Variants in MITF observed in about 807,000 individuals in gnomAD.
The protein encoded by MITF is melanocyte inducing transcription factor.
Under a neutral mutation model 60.5 loss-of-function variants are expected in MITF, and 17 were observed. The ratio of observed to expected loss-of-function variants is 0.28; its 90% CI spans 0.19 to 0.42. The LOEUF (loss-of-function observed/expected upper bound fraction) is 0.42, where lower values mean the gene tolerates loss of function less well. MITF is among the 10% of genes least tolerant of loss of function. MITF has a pLI of 1.00. For synonymous variants in MITF, 260 were observed against 248.5 expected, an observed-to-expected ratio of 1.05 and a Z score of -0.43; for missense variants, 622 against 683.5, an observed-to-expected ratio of 0.91 and a Z score of 1.00.
intron 1 of MITF, among the ~76,000 whole-genome samples, chr3:69,765,089 G>A (rs1341951790): frequency 3.3e-5 from 5 of 152,148 alleles, no homozygotes; most frequent in African/African-American, 1.2e-4. Flanking sequence ...TGATTGAACT[G>A]CAGTCCCGTG....
At chr3:69,818,788 GAGAGGATTTATGGTCAA>G (rs1201858709) in intron 1 of MITF, among the ~76,000 whole-genome samples, 45 of 152,134 alleles carry the variant, frequency 3.0e-4, no homozygotes, top group Admixed American at 2.9e-3. Context: ...ATAAAATATT[GAGAGGATTTATGGTCAA>G]AGATATATTT....
intron 1 of MITF, among the ~76,000 whole-genome samples, chr3:69,839,458 C>T (rs1296203179): frequency 1.4e-5 from 2 of 147,732 alleles, no homozygotes; most frequent in Non-Finnish European, 1.5e-5. Context: ...TTTTTTCTTC[C>T]GGTGCCTAGC....
intron 1 of MITF, among the ~76,000 whole-genome samples, chr3:69,840,027 C>T (rs1684477419): frequency 6.6e-6 from 1 of 152,104 alleles, no homozygotes; most frequent in African/African-American, 2.4e-5. Flanking sequence ...CCCATTTCAG[C>T]TGATCAGTAA....
intron 2 of MITF, among the ~76,000 whole-genome samples, chr3:69,909,054 T>G (rs1341296338): frequency 1.3e-5 from 2 of 152,174 alleles, no homozygotes; most frequent in African/African-American, 2.4e-5. Flanking sequence ...GGCTTGGCTG[T>G]GTCCCCAACC....
Position 69,868,346 on chromosome 3 carries a change from A to G in MITF, c.105-10788A>G, listed in dbSNP as rs1344377371. 6.6e-5 allele frequency among the ~76,000 whole-genome samples: 10 copies of G among 152,328 alleles called. 2 individuals carry two copies. The highest frequency in any genetic ancestry group is 6.5e-4 in the Admixed American group (10 of 15,304). On this transcript the variant is annotated intron_variant, in intron 1 of 9. Transcript: ENST00000352241. ...CCAAGTGATACAGCTAAGAAATGACAGGGCTAGGAATTTGACCCAGGGATC... is the reference window on the plus strand; with the variant it reads ...CCAAGTGATACAGCTAAGAAATGACGGGGCTAGGAATTTGACCCAGGGATC...
intron 2 of MITF, among the ~76,000 whole-genome samples, chr3:69,913,511 T>C (rs1354836883): frequency 1.3e-5 from 2 of 152,186 alleles, no homozygotes; most frequent in African/African-American, 4.8e-5. Flanking sequence ...CAAAGAAACC[T>C]GAGGTAATGG....
At chr3:69,854,811 A>G (rs180741835) in intron 1 of MITF, among the ~76,000 whole-genome samples, 6 of 152,306 alleles carry the variant, frequency 3.9e-5, no homozygotes, top group Admixed American at 3.9e-4. Context: ...CAAAAACCAA[A>G]AATGTCTCTA....
At chr3:69,860,742 T>C (rs116082010) in intron 1 of MITF, among the ~76,000 whole-genome samples, 372 of 152,366 alleles carry the variant, frequency 2.4e-3, no homozygotes, top group Non-Finnish European at 4.3e-3. Flanking sequence ...TGTATAAATA[T>C]CTTAACCATT....
chr3:69,751,737 T>G (rs1432318313), intron 1 of MITF, among the ~76,000 whole-genome samples: 1 of 152,124 alleles, frequency 6.6e-6, no homozygotes, highest in Non-Finnish European at 1.5e-5. Flanking sequence ...GGGCAAGTTA[T>G]TCTTGTGGCC....
At chr3:69,792,027 G>A (rs936962618) in intron 1 of MITF, among the ~76,000 whole-genome samples, 10 of 152,174 alleles carry the variant, frequency 6.6e-5, no homozygotes, top group Admixed American at 4.6e-4. Context: ...AAGTAGAGAC[G>A]GATGTGCTGA....
In MITF at chr3:69,805,290, T is replaced by G. The variant is rs558997907; in HGVS notation, c.104+65589T>G. Among the ~76,000 whole-genome samples, 134 of 152,318 alleles carry G rather than the reference T, an allele frequency of 8.8e-4. 1 individual carries two copies. The highest frequency in any genetic ancestry group is 1.2e-3 in the Non-Finnish European group (81 of 68,026). On this transcript the variant is annotated intron_variant, in intron 1 of 9. Coordinates refer to ENST00000352241, the MANE Select transcript of MITF (RefSeq NM_001354604.2). ...AAATAACTAATATTTTGATGACCAT[T>G]TATAATTTTATCTAAAATTTTAATG...
chr3:69,814,059 A>G (rs2063142563), intron 1 of MITF, among the ~76,000 whole-genome samples: 2 of 151,920 alleles, frequency 1.3e-5, no homozygotes, highest in East Asian at 1.9e-4. Context: ...ATTATATGCT[A>G]TTGGTCAGGT....
At chr3:69,827,718 C>T (rs1268252052) in intron 1 of MITF, among the ~76,000 whole-genome samples, 3 of 152,038 alleles carry the variant, frequency 2.0e-5, no homozygotes, top group African/African-American at 4.8e-5. Context: ...AATATAATTC[C>T]CAATTTATTT....
chr3:69,796,673 A>C (rs1481675259), intron 1 of MITF, among the ~76,000 whole-genome samples: 1 of 149,914 alleles, frequency 6.7e-6, no homozygotes, highest in Non-Finnish European at 1.5e-5. Flanking sequence ...CGCCCGGCTA[A>C]TTTTTTGTAT....
At chr3:69,839,632 G>A (rs1028735740) in intron 1 of MITF, among the ~76,000 whole-genome samples, 1 of 151,966 alleles carries the variant, frequency 6.6e-6, no homozygotes, top group Non-Finnish European at 1.5e-5. Context: ...ACCGTGAGGG[G>A]CTGGGGCATG....
Position 69,815,497 on chromosome 3 carries a change from C to A in MITF, c.105-63637C>A, listed in dbSNP as rs199756626. 9.9e-5 allele frequency among the ~76,000 whole-genome samples: 15 copies of A among 152,130 alleles called. No homozygotes were observed. The East Asian group carries it at 2.3e-3, about 23-fold the overall frequency. On this transcript the variant is annotated intron_variant, in intron 1 of 9. Transcript: ENST00000352241. Reference sequence around the variant, plus strand: ...CTTTCACTTAATGATTAGTAAATATCTTTTCTTTCTTGTGATTTTCTTAAT... The same window carrying A: ...CTTTCACTTAATGATTAGTAAATATATTTTCTTTCTTGTGATTTTCTTAAT...
chr3:69,854,142 C>G (rs1256949498), intron 1 of MITF, among the ~76,000 whole-genome samples: 2 of 152,174 alleles, frequency 1.3e-5, no homozygotes, highest in Non-Finnish European at 2.9e-5. Flanking sequence ...GCCACCGAGC[C>G]CAGCTGATCA....
intron 2 of MITF, among the ~76,000 whole-genome samples, chr3:69,879,671 A>G (rs1559693594): frequency 6.6e-6 from 1 of 152,240 alleles, no homozygotes. Flanking sequence ...GGAAAGTTTC[A>G]AAACCAGAAT....
intron 1 of MITF, among the ~76,000 whole-genome samples, chr3:69,842,784 A>G (rs1454103200): frequency 2.0e-5 from 3 of 152,166 alleles, no homozygotes; most frequent in African/African-American, 7.2e-5. Context: ...CACTAGCTCT[A>G]GGTATGTCAG....
Sources: gnomAD v4.1 joint callset for allele counts (sites outside exome capture counted in the v4.1 genomes callset) on GRCh38, gnomAD v4.1.1 for gene constraint, MANE v1.5 for transcripts, NCBI Gene and HGNC (gene_info 2026-07-23, HGNC 2026-07-21) for gene names.